The following SBF1 variants were observed in gnomAD, a reference collection of about 807,000 sequenced individuals.
SBF1 encodes myotubularin-related protein 5.
In SBF1, 65 loss-of-function variants were observed where a neutral mutation model predicts 215.8. The observed-to-expected ratio is 0.30, with a 90% CI of 0.25 to 0.37. SBF1 has a LOEUF of 0.37. Ranked by LOEUF, SBF1 falls within the 10% of genes least tolerant of loss-of-function variation. The pLI is 1.00. For missense variants in SBF1, 2,634 were observed against 2,667.8 expected, an observed-to-expected ratio of 0.99 and a Z score of 0.28; for synonymous variants, 1,410 against 1,122.8, an observed-to-expected ratio of 1.26 and a Z score of -5.11.
chr22:50,455,107 G>C lies in SBF1; in HGVS notation c.4590C>G (p.Ser1530Arg). ...HLQFPMEFEFSQFYLKFLGYH... is the reference protein window; with the variant it reads ...HLQFPMEFEFRQFYLKFLGYH... Reference sequence around the variant, plus strand: ...AGCCGAGGAACTTGAGGTAGAACTGGCTGAACTCAAACTCCATGGGGAACT... The same window carrying C: ...AGCCGAGGAACTTGAGGTAGAACTGCCTGAACTCAAACTCCATGGGGAACT... Residue 1530 changes from serine to arginine, a missense_variant, in exon 34 of 41, where the codon AGC (serine) becomes AGG (arginine). Ser to Arg is a moderately radical substitution (Grantham distance 110). Transcript: ENST00000380817. 1 of 1,614,146 alleles carries C rather than the reference G, an allele frequency of 6.2e-7. No homozygotes were observed. The highest frequency in any genetic ancestry group is 8.5e-7 in the Non-Finnish European group (1 of 1,180,018).
Position 50,456,278 on chromosome 22 carries a change from C to T in SBF1, c.4204G>A (p.Ala1402Thr), listed in dbSNP as rs374287730. Reference protein sequence around the residue: ...LLKACVPGCPAAEPSPASFLR... With the variant: ...LLKACVPGCPTAEPSPASFLR... ...AAGGAGGCTGGGCTGGGCTCAGCAGCGGGGCAGCCTGGGACACATGCTTTC... is the reference window on the plus strand; with the variant it reads ...AAGGAGGCTGGGCTGGGCTCAGCAGTGGGGCAGCCTGGGACACATGCTTTC... The change falls in exon 31 of 41, where the codon GCT (alanine) becomes ACT (threonine). Residue 1402 changes from alanine (A) to threonine (T), a missense_variant. Ala to Thr is a moderately conservative substitution (Grantham distance 58). Coordinates refer to ENST00000380817, the MANE Select transcript of SBF1 (RefSeq NM_002972.4). 1.1e-5 allele frequency: 18 copies of T among 1,612,536 alleles called. No homozygotes were observed. Among genetic ancestry groups the T allele is most frequent in the Middle Eastern group, 1.8e-4 (1 of 5,466 alleles).
chr22:50,447,694 C>T (rs962775933), intron 38 of SBF1, 85 bp from the exon 39 acceptor site: 4 of 1,002,916 alleles, frequency 4.0e-6, no homozygotes, highest in Non-Finnish European at 6.0e-6. Flanking sequence ...CCCTTGCTGT[C>T]CCAGCCCAGG....
chr22:50,474,698 C>A, intron 1 of SBF1, 88 bp downstream of exon 1: 2 of 1,169,872 alleles, frequency 1.7e-6, no homozygotes, highest in Admixed American at 2.8e-5. Context: ...GGCCCCCAGC[C>A]CCCGGCCCTC....
rs773661971 is a variant in SBF1, at chr22:50,447,124, C to T, written c.*18G>A. 2.7e-5 allele frequency: 44 copies of T among 1,604,256 alleles called. 1 individual carries two copies. The highest frequency in any genetic ancestry group is 2.0e-4 in the South Asian group (18 of 90,144). On this transcript the variant is annotated 3_prime_UTR_variant, in exon 41 of 41. Transcript: ENST00000380817. ...CGGTAACGACCGGAAGCAGAGCAGC[C>T]GGGCAGGGCTGGGAGGCTCAGGCGT...
intron 1 of SBF1, 27 bp from the exon 2 acceptor site, chr22:50,468,488 C>G (rs9616852): frequency 1.3e-6 from 2 of 1,521,206 alleles, no homozygotes; most frequent in East Asian, 4.9e-5. Flanking sequence ...GGGGTCAGAG[C>G]ACCCAACCCG....
chr22:50,447,051 G>T lies in SBF1; in HGVS notation c.*91C>A. The T allele has an allele frequency of 8.6e-7, 1 of 1,166,216 alleles. No homozygotes were observed. The highest frequency in any genetic ancestry group is 1.2e-6 in the Non-Finnish European group (1 of 806,774). 72.2% of individuals were successfully genotyped at this position (1,166,216 alleles called of 1,614,324 possible). On this transcript the variant is annotated 3_prime_UTR_variant, in exon 41 of 41. Transcript: ENST00000380817. ...GCTCGGGGCCTCAATACTGTCGAGG[G>T]CCGGGGCTGTAAACATGGCCGGGGC...
intron 28 of SBF1, 25 bp downstream of exon 28, chr22:50,459,227 CCCA>C (rs754327355): frequency 1.6e-5 from 26 of 1,581,226 alleles, no homozygotes; most frequent in South Asian, 4.5e-5. Flanking sequence ...GTGCCCCTGC[CCCA>C]CCGTCTGCCC....
Position 50,466,077 on chromosome 22 carries a change from G to T in SBF1, c.898-3C>A. The stretch of plus-strand genomic sequence containing the variant: ...AGATCAGCAACAATCACATCGAGCT[G>T]CGGACCAAGGGAGCCGGCAGTCAGG... On this transcript the variant is annotated splice_polypyrimidine_tract_variant and splice_region_variant and intron_variant, in intron 8 of 40. Coordinates refer to ENST00000380817, the MANE Select transcript of SBF1 (RefSeq NM_002972.4). 6.2e-7 allele frequency: 1 copy of T among 1,613,582 alleles called. No individual in the cohort carries two copies. The highest frequency in any genetic ancestry group is 8.5e-7 in the Non-Finnish European group (1 of 1,179,942).
rs373440890 is a variant in SBF1 at position 50,466,069 on chromosome 22, A to T, written c.903T>A (p.Asp301Glu). 6.2e-7 allele frequency: 1 copy of T among 1,613,650 alleles called. No individual in the cohort carries two copies. The highest frequency in any genetic ancestry group is 8.5e-7 in the Non-Finnish European group (1 of 1,180,004). ...AFQAETQELL[D>E]VIVADLDGGT... ...CTCCATCCAGATCAGCAACAATCAC[A>T]TCGAGCTGCGGACCAAGGGAGCCGG... Residue 301 changes from aspartate to glutamate, a missense_variant, in exon 9 of 41, where the codon GAT becomes GAA. By Grantham distance (45) the Asp-to-Glu change is conservative. Transcript: ENST00000380817.
rs2066808396 is a variant in SBF1, at chr22:50,446,356, T to TACCCCCCCCCCCCCCCCCCCCC, written c.*785_*786insGGGGGGGGGGGGGGGGGGGGGT. 2.9e-5 allele frequency: 1 copy of TACCCCCCCCCCCCCCCCCCCCC among 35,050 alleles called. No individual in the cohort carries two copies. 2.2% of individuals were successfully genotyped at this position (35,050 alleles called of 1,614,324 possible). ...CCTGCATTCCCCTGGGAGCCCACTGTCCCCCCCCCCCCCCCGCCTCCGGCC... is the reference window on the plus strand; with the variant it reads ...CCTGCATTCCCCTGGGAGCCCACTGTACCCCCCCCCCCCCCCCCCCCCCCCCCCCCCCCCCCCGCCTCCGGCC... On this transcript the variant is annotated 3_prime_UTR_variant, in exon 41 of 41. Transcript: ENST00000380817.
chr22:50,457,927 T>C (rs1438305648), intron 28 of SBF1, among the ~76,000 whole-genome samples: 2 of 152,214 alleles, frequency 1.3e-5, no homozygotes, highest in East Asian at 1.9e-4. Flanking sequence ...GCTGCCACAC[T>C]GCAGGCGCCC....
chr22:50,460,752 C>T, intron 23 of SBF1, 40 bp from the exon 24 acceptor site: 1 of 1,589,156 alleles, frequency 6.3e-7, no homozygotes, highest in Non-Finnish European at 8.6e-7. Context: ...GTGGGTGGCC[C>T]CCCAGCCCCT....
In SBF1 at chr22:50,466,450, C is replaced by T. The variant is rs1008742761; in HGVS notation, c.688G>A (p.Ala230Thr). The T allele has an allele frequency of 7.7e-6, 12 of 1,551,596 alleles. No homozygotes were observed. Among genetic ancestry groups the T allele is most frequent in the South Asian group, 1.2e-5 (1 of 84,208 alleles). The stretch of plus-strand genomic sequence containing the variant: ...AAGAGAACCTTGTGCTCCGTGAGGG[C>T]GGCACAGAACAAAGACAGCACGTTG... ...ITNVLSLFCA[A>T]LTEHKVLFLS... Residue 230 changes from alanine (A) to threonine (T), a missense_variant, in exon 7 of 41, where the codon GCC (alanine) becomes ACC (threonine). Coordinates refer to ENST00000380817, the MANE Select transcript of SBF1 (RefSeq NM_002972.4).
chr22:50,469,696 G>A (rs1456592947), intron 1 of SBF1, among the ~76,000 whole-genome samples: 1 of 152,194 alleles, frequency 6.6e-6, no homozygotes, highest in East Asian at 1.9e-4. Context: ...AGCAGAGCCA[G>A]ATGGGCAAGG....
At chr22:50,472,740 C>T (rs1481776149) in intron 1 of SBF1, among the ~76,000 whole-genome samples, 1 of 152,116 alleles carries the variant, frequency 6.6e-6, no homozygotes, top group Non-Finnish European at 1.5e-5. Context: ...TGCTTCTTCC[C>T]CCAGCTCCCA....
intron 13 of SBF1, 30 bp downstream of exon 13, chr22:50,464,789 C>T (rs762158083): frequency 1.6e-5 from 25 of 1,612,184 alleles, no homozygotes; most frequent in South Asian, 1.3e-4. Context: ...CAAGGCGGTA[C>T]GACGCCCTCC....
chr22:50,453,902 CAG>C (rs1203102435), intron 36 of SBF1, among the ~76,000 whole-genome samples: 2 of 152,078 alleles, frequency 1.3e-5, no homozygotes, highest in African/African-American at 2.4e-5. Context: ...CTCAGTCCCA[CAG>C]AGACTCCGGG....
At chr22:50,469,466 A>G (rs974040614) in intron 1 of SBF1, among the ~76,000 whole-genome samples, 2 of 152,142 alleles carry the variant, frequency 1.3e-5, no homozygotes, top group Non-Finnish European at 2.9e-5. Context: ...ACCCCTGGAG[A>G]GCCAAACCAG....
At chr22:50,447,933 G>A (rs1178865422) in intron 38 of SBF1, among the ~76,000 whole-genome samples, 1 of 152,240 alleles carries the variant, frequency 6.6e-6, no homozygotes, top group Non-Finnish European at 1.5e-5. Context: ...CTTACGAGGA[G>A]AGGGATGGCC....
Sources: gnomAD v4.1 joint callset for allele counts (sites outside exome capture counted in the v4.1 genomes callset) on GRCh38, gnomAD v4.1.1 for gene constraint, MANE v1.5 for transcripts, NCBI Gene and HGNC (gene_info 2026-07-23, HGNC 2026-07-21) for gene names.